The following PLAG1 variants were observed in gnomAD, a reference collection of about 807,000 sequenced individuals.
The protein encoded by PLAG1 is zinc finger protein PLAG1.
PLAG1 carries 7 observed loss-of-function variants against 35.5 expected under a neutral mutation model. The ratio of observed to expected loss-of-function variants is 0.20; its 90% CI spans 0.11 to 0.37. The LOEUF (loss-of-function observed/expected upper bound fraction) is 0.37, where lower values mean the gene tolerates loss of function less well. Ranked by LOEUF, PLAG1 falls within the 10% of genes least tolerant of loss-of-function variation. The pLI, the probability that PLAG1 is intolerant of heterozygous loss-of-function variation, is 1.00. For missense variants in PLAG1, 454 were observed against 602.8 expected (o/e 0.75, Z 2.58); for synonymous variants, 229 against 225.4 (o/e 1.02, Z -0.14).
chr8:56,196,321 G>A (rs1183331186), intron 1 of PLAG1, among the ~76,000 whole-genome samples: 1 of 152,198 alleles, frequency 6.6e-6, no homozygotes, highest in African/African-American at 2.4e-5. Flanking sequence ...GTTTAACCAA[G>A]GGGTTCTTCA....
chr8:56,179,707 G>C (rs931092806), intron 1 of PLAG1, among the ~76,000 whole-genome samples, 194 bp from the exon 2 acceptor site: 3 of 151,938 alleles, frequency 2.0e-5, no homozygotes, highest in Admixed American at 6.5e-5. Context: ...AATATCCCTA[G>C]ATTTATATAT....
At chr8:56,210,889 G>A (rs1006640202) in intron 1 of PLAG1, among the ~76,000 whole-genome samples, 1 of 150,802 alleles carries the variant, frequency 6.6e-6, no homozygotes, top group African/African-American at 2.4e-5. Context: ...CCCCTGCCCT[G>A]TCAGAAGCGA....
intron 1 of PLAG1, among the ~76,000 whole-genome samples, chr8:56,205,384 A>C (rs1453288104): frequency 6.6e-6 from 1 of 151,920 alleles, no homozygotes; most frequent in Non-Finnish European, 1.5e-5. Context: ...TTATTCTTAG[A>C]ATTTAATTTA....
At position 56,168,384 on chromosome 8, in the gene PLAG1, G is replaced by T; in HGVS notation, c.-115C>A. The T allele has an allele frequency of 7.5e-7, 1 of 1,334,860 alleles. No homozygotes were observed. Among genetic ancestry groups the T allele is most frequent in the Non-Finnish European group, 9.7e-7 (1 of 1,028,652 alleles). The allele number at this position is 1,334,860 out of a possible 1,614,324, so 82.7% of individuals were successfully genotyped here. ...TGTGGTCGTAAAAGAAAGCAAAAAGGGACTGGAAAAAAAAATAAGAAACAA... is the reference window on the plus strand; with the variant it reads ...TGTGGTCGTAAAAGAAAGCAAAAAGTGACTGGAAAAAAAAATAAGAAACAA... On this transcript the variant is annotated splice_region_variant and 5_prime_UTR_variant, in exon 4 of 5. Transcript: ENST00000316981.
At chr8:56,205,495 T>C (rs577525106) in intron 1 of PLAG1, among the ~76,000 whole-genome samples, 3 of 151,952 alleles carry the variant, frequency 2.0e-5, no homozygotes, top group Non-Finnish European at 4.4e-5. Flanking sequence ...TATTCTTTGG[T>C]AGATCTCCCC....
intron 1 of PLAG1, among the ~76,000 whole-genome samples, chr8:56,181,077 G>A (rs1811851225): frequency 6.6e-6 from 1 of 152,210 alleles, no homozygotes; most frequent in African/African-American, 2.4e-5. Context: ...ACAGATGCTG[G>A]AGAGGATGTG....
Position 56,165,178 on chromosome 8 carries a change from G to C in PLAG1, c.*1065C>G, listed in dbSNP as rs1193118854. 4 of 212,642 alleles carry C rather than the reference G, an allele frequency of 1.9e-5. No individual in the cohort carries two copies. Among genetic ancestry groups the C allele is most frequent in the Non-Finnish European group, 3.8e-5 (4 of 105,100 alleles). The allele number at this position is 212,642 out of a possible 1,614,324, so 13.2% of individuals were successfully genotyped here. ...CTAAAAAGTCCAGTTTTTAACCCTG[G>C]CTACAGGGGCCATGATCCCTACACA... On this transcript the variant is annotated 3_prime_UTR_variant, in exon 5 of 5. Coordinates refer to ENST00000316981, the MANE Select transcript of PLAG1 (RefSeq NM_002655.3).
chr8:56,196,365 G>A (rs143938142), intron 1 of PLAG1, among the ~76,000 whole-genome samples: 395 of 152,242 alleles, frequency 2.6e-3, no homozygotes, highest in African/African-American at 9.1e-3. Context: ...TGTACATCAC[G>A]CTCAGAGGAT....
intron 1 of PLAG1, among the ~76,000 whole-genome samples, chr8:56,199,152 G>C (rs1187733182): frequency 6.6e-6 from 1 of 152,206 alleles, no homozygotes; most frequent in African/African-American, 2.4e-5. Context: ...GAACCCTGGG[G>C]AATGCCAAAA....
intron 1 of PLAG1, among the ~76,000 whole-genome samples, chr8:56,204,349 G>A (rs1263517106): frequency 6.6e-6 from 1 of 151,778 alleles, no homozygotes; most frequent in African/African-American, 2.4e-5. Context: ...AAATCTGGTA[G>A]ACTAAAATCC....
intron 1 of PLAG1, among the ~76,000 whole-genome samples, chr8:56,193,769 C>G (rs1416241902): frequency 6.7e-6 from 1 of 149,796 alleles, no homozygotes; most frequent in African/African-American, 2.5e-5. Context: ...ACGATCCCGG[C>G]TCACTGCAAG....
At chr8:56,193,229 A>G (rs1812240140) in intron 1 of PLAG1, among the ~76,000 whole-genome samples, 1 of 152,320 alleles carries the variant, frequency 6.6e-6, no homozygotes, top group African/African-American at 2.4e-5. Flanking sequence ...AGGAGAGGCA[A>G]TGGGTATGGG....
rs1372913133 is a variant in PLAG1 at position 56,166,237 on chromosome 8, A to C, written c.*6T>G. 4.5e-6 allele frequency: 7 copies of C among 1,565,392 alleles called. No homozygotes were observed. The East Asian group carries it at 1.6e-4, about 35-fold the overall frequency. On this transcript the variant is annotated 3_prime_UTR_variant, in exon 5 of 5. Transcript: ENST00000316981. ...CATTTCTGTAATGAATCCATGTCCC[A>C]GAATCCTACTGAAAAGCTTGATGGA...
At chr8:56,200,202 C>T (rs1812510205) in intron 1 of PLAG1, among the ~76,000 whole-genome samples, 1 of 152,208 alleles carries the variant, frequency 6.6e-6, no homozygotes, top group African/African-American at 2.4e-5. Context: ...CTCTGTGAGT[C>T]TAATTCCCCC....
At chr8:56,197,510 C>T (rs1481186092) in intron 1 of PLAG1, among the ~76,000 whole-genome samples, 1 of 152,220 alleles carries the variant, frequency 6.6e-6, no homozygotes, top group African/African-American at 2.4e-5. Context: ...TCTTTCCCCT[C>T]TGTGGGTGTG....
At chr8:56,200,572 T>G (rs1234907331) in intron 1 of PLAG1, among the ~76,000 whole-genome samples, 2 of 152,218 alleles carry the variant, frequency 1.3e-5, no homozygotes, top group Non-Finnish European at 2.9e-5. Context: ...CCGCAGCACA[T>G]AGTGCACATT....
Position 56,161,945 on chromosome 8 carries a change from A to G in PLAG1, c.*4298T>C, listed in dbSNP as rs1307032049. The stretch of plus-strand genomic sequence containing the variant: ...GTCATTTCTAGGCTAGATAACATCA[A>G]AAGACACTGCCTTCCATCCTCAGAG... On this transcript the variant is annotated 3_prime_UTR_variant, in exon 5 of 5. Transcript: ENST00000316981. 4.4e-6 allele frequency: 1 copy of G among 227,706 alleles called. No homozygotes were observed. The highest frequency in any genetic ancestry group is 8.8e-6 in the Non-Finnish European group (1 of 114,208). The allele number at this position is 227,706 out of a possible 1,614,324, so 14.1% of individuals were successfully genotyped here.
chr8:56,177,233 C>A (rs997064626), intron 2 of PLAG1, among the ~76,000 whole-genome samples: 3 of 152,152 alleles, frequency 2.0e-5, no homozygotes, highest in Non-Finnish European at 4.4e-5. Context: ...GAATTCATGG[C>A]CTGGTTCAGG....
At position 56,166,265 on chromosome 8, in the gene PLAG1, C is replaced by T. The variant is rs761135682; in HGVS notation, c.1481G>A (p.Arg494His). Residue 494 changes from arginine to histidine, a missense_variant, in exon 5 of 5, where the codon CGT becomes CAT. By Grantham distance (29) the Arg-to-His change is conservative. Transcript: ENST00000316981. ...ATCCTACTGAAAAGCTTGATGGAAA[C>T]GTGGGAGGGTGGTACTTGTGCTTAA... ...SSLSTSTTLP[R>H]FHQAFQ 6.3e-7 allele frequency: 1 copy of T among 1,594,852 alleles called. No individual in the cohort carries two copies. Among genetic ancestry groups the T allele is most frequent in the Non-Finnish European group, 8.5e-7 (1 of 1,171,208 alleles).
Sources: allele counts gnomAD v4.1 joint callset (sites outside exome capture counted in the v4.1 genomes callset), GRCh38; gene constraint gnomAD v4.1.1; transcripts MANE v1.5; gene names NCBI Gene and HGNC (gene_info 2026-07-23, HGNC 2026-07-21).